KISS1: variants seen among roughly 807,000 people sequenced by gnomAD.
KISS1 encodes metastasis-suppressor KiSS-1.
For synonymous variants in KISS1, 97 were observed against 88.7 expected (o/e 1.09, Z -0.52); for missense variants, 182 against 182.7 (o/e 1.00, Z 0.02).
At position 204,190,409 on chromosome 1, in the gene KISS1, T is replaced by TTC. The variant is rs200451423; in HGVS notation, c.*74_*75insGA. ...CAGCGCCCCCTCCCTTAGCCCTACG[T>TTC]CCCCGCCCCCCGCCCCCGCCCCGCA... On this transcript the variant is annotated 3_prime_UTR_variant, in exon 3 of 3. Transcript: ENST00000367194. 7.0e-6 allele frequency: 4 copies of TTC among 573,196 alleles called. No homozygotes were observed. The highest frequency in any genetic ancestry group is 2.5e-5 in the Admixed American group (1 of 40,798). 35.5% of individuals were successfully genotyped at this position (573,196 alleles called of 1,614,324 possible).
chr1:204,190,912 A>G, intron 2 of KISS1, 115 bp from the exon 3 acceptor site: 1 of 884,304 alleles, frequency 1.1e-6, no homozygotes, highest in South Asian at 1.6e-5. Flanking sequence ...GGAAGCTCGG[A>G]GCTCAGTGCC....
In KISS1 at chr1:204,190,701, C is replaced by G; in HGVS notation, c.200G>C (p.Arg67Pro). ...GGGGGGCGGGGACAGCGAGGTCCCCCGACGGCTCAGCCTGGCAGTAGCAGC... is the reference window on the plus strand; with the variant it reads ...GGGGGGCGGGGACAGCGAGGTCCCCGGACGGCTCAGCCTGGCAGTAGCAGC... ...KPAATARLSR[R>P]GTSLSPPPES... The change falls in exon 3 of 3, where the codon CGG (arginine) becomes CCG (proline). Residue 67 changes from arginine (R) to proline (P), a missense_variant. Transcript: ENST00000367194. 1 of 1,603,386 alleles carries G rather than the reference C, an allele frequency of 6.2e-7. No individual in the cohort carries two copies. The highest frequency in any genetic ancestry group is 8.5e-7 in the Non-Finnish European group (1 of 1,176,162).
chr1:204,195,900 T>C (rs1277120687), intron 1 of KISS1, among the ~76,000 whole-genome samples: 1 of 152,214 alleles, frequency 6.6e-6, no homozygotes, highest in African/African-American at 2.4e-5. Context: ...GTGACAGAAA[T>C]TCCAGGCATG....
At position 204,193,631 on chromosome 1, in the gene KISS1, G is replaced by A. The variant is rs143597251; in HGVS notation, c.-38-717C>T. On this transcript the variant is annotated intron_variant, in intron 1 of 2. Transcript: ENST00000367194. ...ATTGTCTTATTGCCTATCATTCATG[G>A]AAAAGAAAAACCTTTCCTTGATTTA... Among the ~76,000 whole-genome samples the A allele has an allele frequency of 4.3e-4, 66 of 152,172 alleles. No individual in the cohort carries two copies. The East Asian group carries it at 0.012, about 28-fold the overall frequency.
At chr1:204,195,258 T>TGCACACCACACACATACACGCATACACC (rs1558254669) in intron 1 of KISS1, among the ~76,000 whole-genome samples, 1 of 26,048 alleles carries the variant, frequency 3.8e-5, no homozygotes, top group Non-Finnish European at 7.8e-5. Context: ...TACACACACA[T>TGCACACCACACACATACACGCATACACC]CATACACACA....
intron 1 of KISS1, among the ~76,000 whole-genome samples, chr1:204,195,236 CG>C (rs1558254625): frequency 7.9e-3 from 5 of 630 alleles, no homozygotes; most frequent in Non-Finnish European, 0.013. Flanking sequence ...CACATATACA[CG>C]CATACACCCA....
Position 204,190,407 on chromosome 1 carries a change from C to CGGGGGGGGG in KISS1, c.*76_*77insCCCCCCCCC. 5 of 779,256 alleles carry CGGGGGGGGG rather than the reference C, an allele frequency of 6.4e-6. No individual in the cohort carries two copies. The highest frequency in any genetic ancestry group is 1.0e-5 in the Non-Finnish European group (5 of 493,570). The allele number at this position is 779,256 out of a possible 1,614,324, so 48.3% of individuals were successfully genotyped here. On this transcript the variant is annotated 3_prime_UTR_variant, in exon 3 of 3. Transcript: ENST00000367194. ...TCCAGCGCCCCCTCCCTTAGCCCTA[C>CGGGGGGGGG]GTCCCCGCCCCCCGCCCCCGCCCCG... is the stretch of plus-strand genomic sequence containing the variant.
At chr1:204,195,234 C>T (rs145193939) in intron 1 of KISS1, among the ~76,000 whole-genome samples, 190 of 1,302 alleles carry the variant, frequency 0.15, 4 homozygotes, top group Middle Eastern at 0.5. Flanking sequence ...TACACATATA[C>T]ACGCATACAC....
intron 1 of KISS1, among the ~76,000 whole-genome samples, chr1:204,195,245 C>CACA (rs1558254645): frequency 7.4e-5 from 4 of 53,972 alleles, no homozygotes; most frequent in Non-Finnish European, 8.2e-5. Context: ...ACGCATACAC[C>CACA]CATACACACA....
chr1:204,195,715 T>TCTCA lies in KISS1; in HGVS notation c.-39+660_-39+661insTGAG, dbSNP rs1172437626. 9.0e-5 allele frequency among the ~76,000 whole-genome samples: 13 copies of TCTCA among 144,936 alleles called. No individual in the cohort carries two copies. In the East Asian group the frequency reaches 1.3e-3, roughly 14 times the overall value. On this transcript the variant is annotated intron_variant, in intron 1 of 2. Transcript: ENST00000367194. Reference sequence around the variant, plus strand: ...ACACACATACACCCATACACACATATCACACACACACACACACACACACAC... The same window carrying TCTCA: ...ACACACATACACCCATACACACATATCTCACACACACACACACACACACACACAC...
chr1:204,190,714 T>G lies in KISS1; in HGVS notation c.187A>C (p.Arg63=). The G allele has an allele frequency of 6.2e-7, 1 of 1,607,996 alleles. No homozygotes were observed. The highest frequency in any genetic ancestry group is 8.5e-7 in the Non-Finnish European group (1 of 1,178,348). ...AGCGAGGTCCCCCGACGGCTCAGCC[T>G]GGCAGTAGCAGCTGGCTTCCTCTCG... ...CTERKPAATA[R]LSRRGTSLSP... The change falls in exon 3 of 3, where the codon AGG becomes CGG. Residue 63 remains arginine, a synonymous_variant. Coordinates refer to ENST00000367194, the MANE Select transcript of KISS1 (RefSeq NM_002256.4).
rs747168486 is a variant in KISS1 at position 204,192,709 on chromosome 1, C to T, written c.103+65G>A. ...ACACCAGTCGACTAGATGGAAAATA[C>T]GGGAAAGCTCATTTTGCAACAACCC... On this transcript the variant is annotated intron_variant, in intron 2 of 2. Transcript: ENST00000367194. The surrounding 1 kb of genome is among the most constrained non-coding windows in gnomAD (Gnocchi z 4.2). 23 of 971,032 alleles carry T rather than the reference C, an allele frequency of 2.4e-5. No individual in the cohort carries two copies. In the East Asian group the frequency reaches 2.6e-4, roughly 11 times the overall value. The allele number at this position is 971,032 out of a possible 1,614,324, so 60.2% of individuals were successfully genotyped here. A position where few individuals can be genotyped will look rare whatever the true frequency, so the allele number is the denominator to read the frequency against.
At chr1:204,191,540 G>C (rs895434127) in intron 2 of KISS1, among the ~76,000 whole-genome samples, 12 of 152,238 alleles carry the variant, frequency 7.9e-5, no homozygotes, top group African/African-American at 2.7e-4. Context: ...CTTTTTGGCT[G>C]TAAAATAGGG....
intron 1 of KISS1, among the ~76,000 whole-genome samples, chr1:204,195,287 CACACA>C (rs1658828720): frequency 1.4e-4 from 3 of 21,456 alleles, no homozygotes; most frequent in Admixed American, 5.2e-4. Context: ...CCACACACAC[CACACA>C]CATACACCCA....
chr1:204,191,820 C>T (rs563355530), intron 2 of KISS1, among the ~76,000 whole-genome samples: 16 of 152,330 alleles, frequency 1.1e-4, no homozygotes, highest in Admixed American at 3.9e-4. Context: ...GCACGCTAGA[C>T]CAGTAGTAAA....
chr1:204,195,292 A>ACATATATACG (rs1558254756), intron 1 of KISS1, among the ~76,000 whole-genome samples: 7 of 9,430 alleles, frequency 7.4e-4, no homozygotes, highest in Admixed American at 1.4e-3. Flanking sequence ...CACACCACAC[A>ACATATATACG]CATACACCCA....
intron 1 of KISS1, among the ~76,000 whole-genome samples, chr1:204,195,350 CACACA>C: frequency 7.3e-6 from 1 of 136,764 alleles, no homozygotes; most frequent in Non-Finnish European, 1.6e-5. Flanking sequence ...GCATACACAC[CACACA>C]CATATACACA....
chr1:204,194,328 T>C (rs1354531827), intron 1 of KISS1, among the ~76,000 whole-genome samples: 3 of 152,220 alleles, frequency 2.0e-5, no homozygotes, highest in Non-Finnish European at 4.4e-5. Context: ...ACTTTGATAC[T>C]GTGACAAGTT....
chr1:204,190,480 G>T lies in KISS1; in HGVS notation c.*4C>A. The T allele has an allele frequency of 6.4e-7, 1 of 1,552,236 alleles. No homozygotes were observed. ...CTGAAGTTCACTGCCCCGCACCTGC[G>T]CCCTCAGCCCCGCCCAGCGCTTCTG... is the stretch of plus-strand genomic sequence containing the variant. On this transcript the variant is annotated 3_prime_UTR_variant, in exon 3 of 3. Coordinates refer to ENST00000367194, the MANE Select transcript of KISS1 (RefSeq NM_002256.4).
Sources: allele counts gnomAD v4.1 joint callset (sites outside exome capture counted in the v4.1 genomes callset), GRCh38; gene constraint gnomAD v4.1.1; non-coding constraint Gnocchi (gnomAD v3.1); transcripts MANE v1.5; gene names NCBI Gene and HGNC (gene_info 2026-07-23, HGNC 2026-07-21).